The following SCMH1 variants were observed in gnomAD, a reference collection of about 807,000 sequenced individuals.
SCMH1 encodes polycomb protein SCMH1.
SCMH1 carries 37 observed loss-of-function variants against 70.8 expected under a neutral mutation model. The observed-to-expected ratio is 0.52, with a 90% CI of 0.40 to 0.69. The LOEUF is 0.69. Ranked by LOEUF, SCMH1 falls within the 30% of genes least tolerant of loss-of-function variation. The pLI, the probability that SCMH1 is intolerant of heterozygous loss-of-function variation, is 0.00. For synonymous variants in SCMH1, 292 were observed against 307.4 expected, an observed-to-expected ratio of 0.95 and a Z score of 0.52; for missense variants, 607 against 827.3, an observed-to-expected ratio of 0.73 and a Z score of 3.27.
intron 12 of SCMH1, chr1:41,043,878 C>T (rs1428638391): frequency 6.6e-6 from 1 of 151,942 alleles, no homozygotes; most frequent in Non-Finnish European, 1.5e-5. Context: ...AAATGAAAAA[C>T]ATTTTAAATA....
chr1:41,038,395 T>G (rs1645612237), intron 12 of SCMH1, among the ~76,000 whole-genome samples: 1 of 152,182 alleles, frequency 6.6e-6, no homozygotes, highest in Non-Finnish European at 1.5e-5. Flanking sequence ...ACAGCTTCTC[T>G]GCTTGTGGAG....
rs114233776 is a variant in SCMH1 at position 41,152,625 on chromosome 1, G to A, written c.107-941C>T. On this transcript the variant is annotated intron_variant, in intron 4 of 14. Transcript: ENST00000337495. ...TAGAGGTGACCCCATGATGGAGCAGGGAAGGTCCCAGAGAATCTCACAAGC... is the reference window on the plus strand; with the variant it reads ...TAGAGGTGACCCCATGATGGAGCAGAGAAGGTCCCAGAGAATCTCACAAGC... The A allele has an allele frequency of 5.5e-3, 8,923 of 1,614,092 alleles. 31 individuals are homozygous for A. The highest frequency in any genetic ancestry group is 0.01 in the Middle Eastern group (63 of 6,062).
intron 10 of SCMH1, among the ~76,000 whole-genome samples, chr1:41,057,609 T>G (rs1650883406): frequency 6.6e-6 from 1 of 151,960 alleles, no homozygotes; most frequent in African/African-American, 2.4e-5. Context: ...AAAGGTATAC[T>G]CAAGGACAAA....
At chr1:41,032,484 A>G (rs1180738963) in intron 13 of SCMH1, among the ~76,000 whole-genome samples, 1 of 152,188 alleles carries the variant, frequency 6.6e-6, no homozygotes, top group Admixed American at 6.5e-5. Context: ...AGAGGCATGG[A>G]TGTGTGTGTT....
At chr1:41,176,189 C>CAAAAAAAAAAACAAAAAAAAA (rs61348122) in intron 2 of SCMH1, among the ~76,000 whole-genome samples, 1 of 109,960 alleles carries the variant, frequency 9.1e-6, no homozygotes, top group African/African-American at 4.0e-5. Context: ...CCAAAAAAAA[C>CAAAAAAAAAAACAAAAAAAAA]AAAAAAAAAA....
intron 7 of SCMH1, among the ~76,000 whole-genome samples, chr1:41,115,390 T>C (rs1359648996): frequency 6.6e-6 from 1 of 152,224 alleles, no homozygotes; most frequent in Non-Finnish European, 1.5e-5. Context: ...TTTATCTTCC[T>C]GGTGAACTGT....
At chr1:41,200,524 T>G (rs1271828600) in intron 1 of SCMH1, among the ~76,000 whole-genome samples, 1 of 148,056 alleles carries the variant, frequency 6.8e-6, no homozygotes, top group Non-Finnish European at 1.5e-5. Context: ...AATATAATAA[T>G]AATAATAATA....
chr1:41,146,106 G>A (rs1644533088), intron 5 of SCMH1, among the ~76,000 whole-genome samples: 1 of 151,876 alleles, frequency 6.6e-6, no homozygotes, highest in African/African-American at 2.4e-5. Flanking sequence ...TGTCCCTGAA[G>A]ACCTTCCAGT....
intron 8 of SCMH1, among the ~76,000 whole-genome samples, chr1:41,084,695 C>T (rs1410040768): frequency 6.6e-6 from 1 of 152,080 alleles, no homozygotes; most frequent in Non-Finnish European, 1.5e-5. Flanking sequence ...TACTGCAGCA[C>T]TATTCATAAT....
intron 2 of SCMH1, among the ~76,000 whole-genome samples, chr1:41,179,644 C>T (rs1343686628): frequency 1.3e-5 from 2 of 152,134 alleles, no homozygotes; most frequent in Non-Finnish European, 2.9e-5. Context: ...GACACATACA[C>T]CCTCCCAAGA....
chr1:41,101,281 G>A (rs145927753), intron 8 of SCMH1, among the ~76,000 whole-genome samples: 2,521 of 152,306 alleles, frequency 0.017, 27 homozygotes, highest in South Asian at 0.029. Flanking sequence ...ATCTCTGCCT[G>A]TGGGAGCATT....
intron 1 of SCMH1, among the ~76,000 whole-genome samples, chr1:41,193,503 A>G (rs1652232635): frequency 6.6e-6 from 1 of 151,824 alleles, no homozygotes; most frequent in Non-Finnish European, 1.5e-5. Flanking sequence ...ACAGAAGGGA[A>G]TGATTAACTT....
rs533434620 is a variant in SCMH1, at chr1:41,202,187, G to A, written c.-117-15937C>T. On this transcript the variant is annotated intron_variant, in intron 1 of 14. Coordinates refer to ENST00000337495, the Ensembl canonical transcript of SCMH1. ...AGTAGCTGGGATTACAGGTGCCCAC[G>A]ACCACGCCCGGCTAATTTTCGTATT... 4.0e-5 allele frequency among the ~76,000 whole-genome samples: 6 copies of A among 151,734 alleles called. No individual in the cohort carries two copies. In the South Asian group the frequency reaches 1.0e-3, roughly 26 times the overall value.
chr1:41,205,070 TG>T (rs1211754462), intron 1 of SCMH1, among the ~76,000 whole-genome samples: 3 of 152,196 alleles, frequency 2.0e-5, no homozygotes. Context: ...CAAAAATGAC[TG>T]AACTGCAGGA....
intron 8 of SCMH1, among the ~76,000 whole-genome samples, chr1:41,093,690 T>G (rs776626872): frequency 5.3e-5 from 8 of 152,212 alleles, no homozygotes; most frequent in Non-Finnish European, 1.0e-4. Context: ...ACTGTTTCAC[T>G]GAGTTATACA....
intron 12 of SCMH1, chr1:41,044,009 A>G (rs1271412392): frequency 1.3e-5 from 2 of 152,080 alleles, no homozygotes; most frequent in Non-Finnish European, 2.9e-5. Context: ...TTATTGTTCT[A>G]TTTTTGTAAC....
intron 8 of SCMH1, among the ~76,000 whole-genome samples, chr1:41,077,363 G>A (rs947768329): frequency 6.6e-6 from 1 of 152,124 alleles, no homozygotes; most frequent in African/African-American, 2.4e-5. Context: ...CCCTGCATGT[G>A]GCCAGTTTTT....
chr1:41,094,275 T>C (rs1558817719), intron 8 of SCMH1, among the ~76,000 whole-genome samples: 1 of 152,186 alleles, frequency 6.6e-6, no homozygotes, highest in East Asian at 1.9e-4. Flanking sequence ...CATGTGGCAA[T>C]CAAGTATATC....
At chr1:41,186,707 T>C (rs1213965527) in intron 1 of SCMH1, among the ~76,000 whole-genome samples, 1 of 152,158 alleles carries the variant, frequency 6.6e-6, no homozygotes, top group African/African-American at 2.4e-5. Context: ...CCTAATCTGA[T>C]ATAATTGGTT....
Sources: gnomAD v4.1 joint callset for allele counts (sites outside exome capture counted in the v4.1 genomes callset) on GRCh38, gnomAD v4.1.1 for gene constraint, MANE v1.5 for transcripts, NCBI Gene and HGNC (gene_info 2026-07-23, HGNC 2026-07-21) for gene names.